The following ZHX3 variants were observed in gnomAD, a reference collection of about 807,000 sequenced individuals.
ZHX3 encodes zinc fingers and homeoboxes 3.
In ZHX3, 20 loss-of-function variants were observed where a neutral mutation model predicts 64.5. The observed-to-expected ratio is 0.31, with a 90% CI of 0.22 to 0.45. The LOEUF is 0.45. ZHX3 is among the 20% of genes least tolerant of loss of function. ZHX3 has a pLI of 1.00. For missense variants in ZHX3, 1,041 were observed against 1,195.8 expected (o/e 0.87, Z 1.91); for synonymous variants, 423 against 461.6 (o/e 0.92, Z 1.07).
rs1385727991 is a variant in ZHX3 at position 41,317,514 on chromosome 20, A to AGCGGCG, written c.-256_-251dup. ...TGGCCGTGGCGGGCGCTCACCTGGC[A>AGCGGCG]GCGGCGGCGGTGGCGGCGCCCGCGA... On this transcript the variant is annotated 5_prime_UTR_variant, in exon 1 of 4. Coordinates refer to ENST00000683867, the MANE Select transcript of ZHX3 (RefSeq NM_001384317.1). The AGCGGCG allele has an allele frequency of 6.7e-6, 1 of 149,204 alleles. No individual in the cohort carries two copies. The highest frequency in any genetic ancestry group is 1.5e-5 in the Non-Finnish European group (1 of 67,034). The allele number at this position is 149,204 out of a possible 1,614,324, so 9.2% of individuals were successfully genotyped here.
intron 3 of ZHX3, among the ~76,000 whole-genome samples, chr20:41,186,512 T>G (rs915145610): frequency 3.3e-5 from 5 of 152,170 alleles, no homozygotes; most frequent in African/African-American, 1.2e-4. Context: ...TACCTAGGAG[T>G]GAAATTGCTG....
chr20:41,265,977 G>A (rs1393640977), intron 2 of ZHX3, among the ~76,000 whole-genome samples: 1 of 152,158 alleles, frequency 6.6e-6, no homozygotes, highest in African/African-American at 2.4e-5. Context: ...GGCCACAACA[G>A]AACAATGGTA....
Position 41,195,795 on chromosome 20 carries a change from G to A in ZHX3, c.2860+6262C>T, listed in dbSNP as rs2037436107. Among the ~76,000 whole-genome samples, 1 of 152,086 alleles carries A rather than the reference G, an allele frequency of 6.6e-6. No individual in the cohort carries two copies. The highest frequency in any genetic ancestry group is 1.5e-5 in the Non-Finnish European group (1 of 68,020). ...CTTTCACTATGTGTCATAAGTTCTGGTATGCTGTGTTTTCATTTGTCTCAA... is the reference window on the plus strand; with the variant it reads ...CTTTCACTATGTGTCATAAGTTCTGATATGCTGTGTTTTCATTTGTCTCAA... On this transcript the variant is annotated intron_variant, in intron 3 of 3. Coordinates refer to ENST00000683867, the MANE Select transcript of ZHX3 (RefSeq NM_001384317.1). This position sits in a 1 kb window ranked among gnomAD's most constrained non-coding sequence, Gnocchi z 4.2.
intron 2 of ZHX3, among the ~76,000 whole-genome samples, chr20:41,250,829 C>T (rs913234407): frequency 2.6e-5 from 4 of 151,992 alleles, no homozygotes; most frequent in African/African-American, 7.2e-5. Flanking sequence ...GAATATCAAG[C>T]GACAACAGGT....
At chr20:41,223,607 T>A (rs1233663856) in intron 2 of ZHX3, among the ~76,000 whole-genome samples, 1 of 152,188 alleles carries the variant, frequency 6.6e-6, no homozygotes, top group Non-Finnish European at 1.5e-5. Context: ...GAGAAAAATA[T>A]GTGAGAAACT....
chr20:41,276,281 A>G (rs1273886914), intron 1 of ZHX3, among the ~76,000 whole-genome samples: 7 of 151,886 alleles, frequency 4.6e-5, no homozygotes, highest in African/African-American at 1.7e-4. Flanking sequence ...AATGTAGCTC[A>G]TGTTGGAAAA....
intron 1 of ZHX3, among the ~76,000 whole-genome samples, chr20:41,316,340 T>C (rs1036812119): frequency 3.3e-5 from 5 of 152,240 alleles, no homozygotes; most frequent in African/African-American, 7.2e-5. Flanking sequence ...TAAGCTCGAA[T>C]AAGTTGTTCC....
At chr20:41,262,606 G>A (rs2042618193) in intron 2 of ZHX3, among the ~76,000 whole-genome samples, 1 of 152,082 alleles carries the variant, frequency 6.6e-6, no homozygotes, top group African/African-American at 2.4e-5. Flanking sequence ...TGCCATTGTT[G>A]GCTGATTTGC....
At position 41,181,601 on chromosome 20, in the gene ZHX3, C is replaced by G. The variant is rs1416508021; in HGVS notation, c.*3590G>C. On this transcript the variant is annotated 3_prime_UTR_variant, in exon 4 of 4. Coordinates refer to ENST00000683867, the MANE Select transcript of ZHX3 (RefSeq NM_001384317.1). Reference sequence around the variant, plus strand: ...CCACACAGCATCCAACCAGAAAGGCCAGTGTCCTTCCTCCATGAAAGGCAG... The same window carrying G: ...CCACACAGCATCCAACCAGAAAGGCGAGTGTCCTTCCTCCATGAAAGGCAG... 1 of 152,266 alleles carries G rather than the reference C, an allele frequency of 6.6e-6. No homozygotes were observed. Among genetic ancestry groups the G allele is most frequent in the African/African-American group, 2.4e-5 (1 of 41,434 alleles). 9.4% of individuals were successfully genotyped at this position (152,266 alleles called of 1,614,324 possible).
intron 2 of ZHX3, among the ~76,000 whole-genome samples, chr20:41,242,831 T>C (rs2041467024): frequency 6.6e-6 from 1 of 152,202 alleles, no homozygotes; most frequent in African/African-American, 2.4e-5. Flanking sequence ...TTAAGTGATT[T>C]TTATAACCCT....
Position 41,179,860 on chromosome 20 carries a change from C to A in ZHX3, c.*5331G>T, listed in dbSNP as rs1194497579. 1.3e-5 allele frequency: 2 copies of A among 152,228 alleles called. No individual in the cohort carries two copies. Among genetic ancestry groups the A allele is most frequent in the Non-Finnish European group, 2.9e-5 (2 of 68,066 alleles). 9.4% of individuals were successfully genotyped at this position (152,228 alleles called of 1,614,324 possible). A position where few individuals can be genotyped will look rare whatever the true frequency, so the allele number is the denominator to read the frequency against. On this transcript the variant is annotated 3_prime_UTR_variant, in exon 4 of 4. Coordinates refer to ENST00000683867, the MANE Select transcript of ZHX3 (RefSeq NM_001384317.1). This position sits in a 1 kb window ranked among gnomAD's most constrained non-coding sequence, Gnocchi z 4.3. ...GATCAGGCTGGTCTCGAACTCCTGA[C>A]CTCAGGTGATCCGCCTCCCTTGGCC...
rs2038039230 is a variant in ZHX3, at chr20:41,199,501, CTG to C, written c.2860+2554_2860+2555del. On this transcript the variant is annotated intron_variant, in intron 3 of 3. Coordinates refer to ENST00000683867, the MANE Select transcript of ZHX3 (RefSeq NM_001384317.1). ...CAGTGAAGTTTCTGTTGTGATATCT[CTG>C]TGGTTAACCAGTGACCTAAGATTTC... 3.3e-5 allele frequency among the ~76,000 whole-genome samples: 5 copies of C among 151,694 alleles called. No homozygotes were observed. In the South Asian group the frequency reaches 1.0e-3, roughly 32 times the overall value.
chr20:41,293,934 T>C (rs2044374154), intron 1 of ZHX3, among the ~76,000 whole-genome samples: 2 of 152,202 alleles, frequency 1.3e-5, no homozygotes, highest in Non-Finnish European at 2.9e-5. Flanking sequence ...TCTTGCCTAA[T>C]GGAAGAAACC....
chr20:41,285,837 T>C (rs2043909902), intron 1 of ZHX3, among the ~76,000 whole-genome samples: 1 of 152,194 alleles, frequency 6.6e-6, no homozygotes, highest in Non-Finnish European at 1.5e-5. Flanking sequence ...AAAAGAGAAA[T>C]AGCAATAGTG....
Position 41,184,948 on chromosome 20 carries a change from A to T in ZHX3, c.*243T>A. 10 of 1,544,960 alleles carry T rather than the reference A, an allele frequency of 6.5e-6. No homozygotes were observed. The highest frequency in any genetic ancestry group is 8.7e-6 in the Non-Finnish European group (10 of 1,146,934). Reference sequence around the variant, plus strand: ...ATTTTATCCATTGGAAGGTAAAGGAAAGGTCCTACATTGTGGGAGGAAGAA... The same window carrying T: ...ATTTTATCCATTGGAAGGTAAAGGATAGGTCCTACATTGTGGGAGGAAGAA... On this transcript the variant is annotated 3_prime_UTR_variant, in exon 4 of 4. Transcript: ENST00000683867.
chr20:41,190,165 G>A (rs1044241544), intron 3 of ZHX3, among the ~76,000 whole-genome samples: 8 of 152,196 alleles, frequency 5.3e-5, no homozygotes, highest in African/African-American at 1.4e-4. Flanking sequence ...TTTTGAGACA[G>A]AGTTTCGCTC....
intron 1 of ZHX3, among the ~76,000 whole-genome samples, chr20:41,283,912 G>A (rs1160142669): frequency 6.6e-6 from 1 of 152,198 alleles, no homozygotes; most frequent in Non-Finnish European, 1.5e-5. Flanking sequence ...GTGGAGAGAA[G>A]ATGAGGAGAG....
At chr20:41,246,665 GA>G (rs1300773342) in intron 2 of ZHX3, among the ~76,000 whole-genome samples, 1 of 152,072 alleles carries the variant, frequency 6.6e-6, no homozygotes, top group African/African-American at 2.4e-5. Context: ...TTGAGGTCAG[GA>G]GTTTAAGACC....
In ZHX3 at chr20:41,204,698, A is replaced by G. The variant is rs367806155; in HGVS notation, c.219T>C (p.Asp73=). 5 of 1,614,250 alleles carry G rather than the reference A, an allele frequency of 3.1e-6. No individual in the cohort carries two copies. In the African/African-American group the frequency reaches 5.3e-5, roughly 17 times the overall value. The change falls in exon 3 of 4, where the codon GAT becomes GAC. Residue 73 remains aspartate, a synonymous_variant. Transcript: ENST00000683867. This position sits in a 1 kb window ranked among gnomAD's most constrained non-coding sequence, Gnocchi z 6.6. The stretch of plus-strand genomic sequence containing the variant: ...AGTATTTACAGGAATATAAATAGCC[A>G]TCTAAAGTGCTCCGATGCCCATTGG... ...TLANGHRSTL[D]GYLYSCKYCD...
Sources: gnomAD v4.1 joint callset for allele counts (sites outside exome capture counted in the v4.1 genomes callset) on GRCh38, gnomAD v4.1.1 for gene constraint, Gnocchi (gnomAD v3.1) non-coding constraint, MANE v1.5 for transcripts, NCBI Gene and HGNC (gene_info 2026-07-23, HGNC 2026-07-21) for gene names.